The following VWA8 variants were observed in gnomAD, a reference collection of about 807,000 sequenced individuals.
VWA8 encodes the protein von Willebrand factor A domain containing 8.
In VWA8, 221 loss-of-function variants were observed where a neutral mutation model predicts 241.5. The observed-to-expected ratio is 0.91, with a 90% CI of 0.82 to 1.02. The LOEUF (loss-of-function observed/expected upper bound fraction) is 1.02. Among genes scored for constraint, VWA8 ranks in the 50% least tolerant of loss-of-function variants. VWA8 has a pLI of 0.00. For missense variants in VWA8, 2,322 were observed against 2,328.7 expected, an observed-to-expected ratio of 1.00 and a Z score of 0.06; for synonymous variants, 852 against 827.1, an observed-to-expected ratio of 1.03 and a Z score of -0.52.
intron 35 of VWA8, among the ~76,000 whole-genome samples, chr13:41,681,987 C>T (rs2045102998): frequency 6.6e-6 from 1 of 152,140 alleles, no homozygotes; most frequent in Admixed American, 6.5e-5. Context: ...GTTAAAATTT[C>T]TAAACTTTAT....
chr13:41,867,991 T>C (rs918707124), intron 10 of VWA8, among the ~76,000 whole-genome samples: 1 of 152,150 alleles, frequency 6.6e-6, no homozygotes, highest in Non-Finnish European at 1.5e-5. Context: ...TTTTAAACCG[T>C]TTCACATAGC....
Position 41,911,632 on chromosome 13 carries a change from A to C in VWA8, c.372+406T>G, listed in dbSNP as rs568228700. 1.8e-4 allele frequency among the ~76,000 whole-genome samples: 28 copies of C among 152,336 alleles called. No homozygotes were observed. In the East Asian group the frequency reaches 3.9e-3, roughly 21 times the overall value. ...TACAGACCTTAGGCTTCCTTTAAAG[A>C]CTGCATAACTTCCAAAAGTCAAGGG... is the stretch of plus-strand genomic sequence containing the variant. On this transcript the variant is annotated intron_variant, in intron 3 of 44. Transcript: ENST00000379310.
intron 27 of VWA8, among the ~76,000 whole-genome samples, chr13:41,702,222 T>C (rs2045254805): frequency 1.3e-5 from 2 of 152,172 alleles, no homozygotes; most frequent in African/African-American, 2.4e-5. Context: ...TGCCCTACAG[T>C]CCTTAATTAA....
intron 1 of VWA8, among the ~76,000 whole-genome samples, chr13:41,957,511 CAGG>C (rs1878402919): frequency 6.6e-6 from 1 of 152,166 alleles, no homozygotes; most frequent in Non-Finnish European, 1.5e-5. Flanking sequence ...GAGGCTGAAG[CAGG>C]AGAATCGCTT....
chr13:41,799,813 A>C (rs1260079910), intron 17 of VWA8, among the ~76,000 whole-genome samples: 2 of 152,172 alleles, frequency 1.3e-5, no homozygotes, highest in African/African-American at 4.8e-5. Context: ...TCACCTATTT[A>C]AAGTATACAA....
At chr13:41,905,528 C>T (rs1269351885) in intron 4 of VWA8, among the ~76,000 whole-genome samples, 1 of 151,946 alleles carries the variant, frequency 6.6e-6, no homozygotes, top group Non-Finnish European at 1.5e-5. Context: ...AATGTAAGAA[C>T]TTTGAATCTA....
intron 12 of VWA8, among the ~76,000 whole-genome samples, chr13:41,860,361 G>C (rs1327993838): frequency 5.3e-5 from 8 of 152,142 alleles, no homozygotes; most frequent in African/African-American, 1.9e-4. Context: ...TATGTACAAA[G>C]GATGGGTAAA....
chr13:41,631,700 A>T (rs1429921123), intron 37 of VWA8, among the ~76,000 whole-genome samples: 1 of 152,240 alleles, frequency 6.6e-6, no homozygotes, highest in Non-Finnish European at 1.5e-5. Context: ...GGAATATGGA[A>T]TGCAGAATGA....
At chr13:41,833,835 T>C (rs1260331055) in intron 12 of VWA8, among the ~76,000 whole-genome samples, 1 of 152,222 alleles carries the variant, frequency 6.6e-6, no homozygotes, top group Non-Finnish European at 1.5e-5. Context: ...GGCAGTAATT[T>C]CCACCTGAAT....
At chr13:41,836,029 G>T (rs999596032) in intron 12 of VWA8, among the ~76,000 whole-genome samples, 1 of 152,108 alleles carries the variant, frequency 6.6e-6, no homozygotes, top group Non-Finnish European at 1.5e-5. Flanking sequence ...ATTCATCAGG[G>T]CCAACATGGG....
intron 2 of VWA8, among the ~76,000 whole-genome samples, chr13:41,931,954 C>T (rs1177852785): frequency 6.6e-6 from 1 of 151,968 alleles, no homozygotes; most frequent in Non-Finnish European, 1.5e-5. Flanking sequence ...AAATAATATT[C>T]ATCATAGCTT....
chr13:41,876,289 A>C (rs997506996), intron 9 of VWA8, among the ~76,000 whole-genome samples: 1 of 152,084 alleles, frequency 6.6e-6, no homozygotes, highest in African/African-American at 2.4e-5. Flanking sequence ...GTTCCACCTC[A>C]CACAGACTGA....
At chr13:41,929,686 C>T (rs1318674821) in intron 2 of VWA8, among the ~76,000 whole-genome samples, 2 of 152,154 alleles carry the variant, frequency 1.3e-5, no homozygotes, top group Admixed American at 1.3e-4. Context: ...ATAAATGGTG[C>T]TGAGAAAACT....
chr13:41,695,185 G>T (rs2045208597), intron 29 of VWA8, among the ~76,000 whole-genome samples: 1 of 152,116 alleles, frequency 6.6e-6, no homozygotes. Flanking sequence ...GTAACCTCTG[G>T]ATGACCTCAA....
chr13:41,869,877 A>G (rs1219307449), intron 9 of VWA8, among the ~76,000 whole-genome samples: 1 of 152,172 alleles, frequency 6.6e-6, no homozygotes, highest in African/African-American at 2.4e-5. Flanking sequence ...ATAGGCAGAA[A>G]TTAACCCCCA....
At chr13:41,614,478 A>G (rs1203281062) in intron 38 of VWA8, among the ~76,000 whole-genome samples, 2 of 152,228 alleles carry the variant, frequency 1.3e-5, no homozygotes, top group Non-Finnish European at 2.9e-5. Flanking sequence ...TTATCTCGAA[A>G]TCTTGCATCC....
intron 17 of VWA8, among the ~76,000 whole-genome samples, chr13:41,804,545 AAATT>A (rs1870099495): frequency 6.6e-6 from 1 of 152,160 alleles, no homozygotes; most frequent in African/African-American, 2.4e-5. Flanking sequence ...AATTAAAAAA[AAATT>A]AATGAGCAGT....
At chr13:41,948,943 G>A (rs1236587233) in intron 2 of VWA8, among the ~76,000 whole-genome samples, 1 of 141,690 alleles carries the variant, frequency 7.1e-6, no homozygotes, top group Admixed American at 7.4e-5. Flanking sequence ...TGCTCTTCAT[G>A]AGAAAAAAAA....
Position 41,727,237 on chromosome 13 carries a change from T to C in VWA8, c.2715A>G (p.Arg905=), listed in dbSNP as rs1255219079. The change falls in exon 24 of 45, where the codon AGA becomes AGG. Residue 905 remains arginine, a synonymous_variant. Coordinates refer to ENST00000379310, the MANE Select transcript of VWA8 (RefSeq NM_015058.2). The part of the protein sequence containing the change: ...PDFRMIVLAN[R]PGFPFLGNDF... ...CATTGCCTAGGAAAGGAAATCCAGG[T>C]CTATTTGCCAGAACAATCATCCTAA... The C allele has an allele frequency of 1.9e-6, 3 of 1,550,908 alleles. No homozygotes were observed. The highest frequency in any genetic ancestry group is 2.7e-5 in the African/African-American group (2 of 72,998).
Sources: allele counts gnomAD v4.1 joint callset (sites outside exome capture counted in the v4.1 genomes callset), GRCh38; gene constraint gnomAD v4.1.1; transcripts MANE v1.5; gene names NCBI Gene and HGNC (gene_info 2026-07-23, HGNC 2026-07-21).